The following TIMM23B variants were observed in gnomAD, a reference collection of about 807,000 sequenced individuals.
TIMM23B encodes the protein mitochondrial import inner membrane translocase subunit Tim23B.
TIMM23B carries 27 observed loss-of-function variants against 27.3 expected under a neutral mutation model. The observed-to-expected ratio is 0.99, with a 90% CI of 0.73 to 1.36. The LOEUF is 1.36. Among genes scored for constraint, TIMM23B ranks in the 40% most tolerant of loss-of-function variants. The pLI is 0.00. For synonymous variants in TIMM23B, 73 were observed against 92.4 expected (o/e 0.79, Z 1.21); for missense variants, 205 against 244.2 (o/e 0.84, Z 1.07).
rs1840019262 is a variant in TIMM23B at position 49,964,003 on chromosome 10, AATG to A, written c.514+5525_514+5527del. Among the ~76,000 whole-genome samples the A allele has an allele frequency of 3.3e-5, 5 of 152,190 alleles. No individual in the cohort carries two copies. The South Asian group carries it at 1.0e-3, about 32-fold the overall frequency. On this transcript the variant is annotated intron_variant, in intron 6 of 6. Transcript: ENST00000651259. ...ATGACATGATGAAATGAAATAATGAAATGAATAATGAAATGCGTGTGGTGCACT... is the reference window on the plus strand; with the variant it reads ...ATGACATGATGAAATGAAATAATGAAAATAATGAAATGCGTGTGGTGCACT...
chr10:49,942,241 C>G lies in TIMM23B; in HGVS notation c.47C>G (p.Ala16Gly). 6.2e-7 allele frequency: 1 copy of G among 1,612,680 alleles called. No homozygotes were observed. Residue 16 changes from alanine to glycine, a missense_variant, in exon 1 of 7, where the codon GCC becomes GGC. Physicochemically the swap from Ala to Gly is moderately conservative, Grantham distance 60. Transcript: ENST00000651259. The part of the protein sequence containing the change: ...GSGDKTTGVL[A>G]GFFGAGEAGY... ...GGCGACAAAACCACAGGGGTATTGG[C>G]CGGCTTTTTCGGAGCCGGCGAAGCA... is the stretch of plus-strand genomic sequence containing the variant.
At chr10:49,958,725 T>G (rs1839803947) in intron 6 of TIMM23B, among the ~76,000 whole-genome samples, 1 of 152,198 alleles carries the variant, frequency 6.6e-6, no homozygotes, top group Admixed American at 6.5e-5. Context: ...CTGGAACTTT[T>G]TCATCTTGCA....
intron 6 of TIMM23B, among the ~76,000 whole-genome samples, chr10:49,972,039 A>G (rs550731342): frequency 8.1e-4 from 123 of 152,348 alleles, no homozygotes; most frequent in African/African-American, 2.8e-3. Context: ...CTGAATAAAC[A>G]TTTGGTTTTT....
intron 2 of TIMM23B, among the ~76,000 whole-genome samples, chr10:49,948,990 C>A (rs1251006422): frequency 6.6e-6 from 1 of 152,108 alleles, no homozygotes; most frequent in Non-Finnish European, 1.5e-5. Flanking sequence ...TAGGCTCAAG[C>A]GGTCCTTCTG....
At chr10:49,965,558 G>A (rs1441321791) in intron 6 of TIMM23B, among the ~76,000 whole-genome samples, 3 of 150,984 alleles carry the variant, frequency 2.0e-5, no homozygotes, top group Non-Finnish European at 4.4e-5. Flanking sequence ...GAAATGAAAT[G>A]ATGAAATACG....
At chr10:49,963,964 C>T (rs1300679355) in intron 6 of TIMM23B, among the ~76,000 whole-genome samples, 691 of 151,812 alleles carry the variant, frequency 4.6e-3, no homozygotes, top group East Asian at 0.018. Flanking sequence ...GCCTCTGGCT[C>T]GAAATGACAT....
rs1839796792 is a variant in TIMM23B, at chr10:49,958,543, T to C, written c.514+63T>C. ...CTTGAAGTGCGCTTTTTAAAATTCATGGTTTTCAAGGAAATTACACTCTGT... is the reference window on the plus strand; with the variant it reads ...CTTGAAGTGCGCTTTTTAAAATTCACGGTTTTCAAGGAAATTACACTCTGT... On this transcript the variant is annotated intron_variant, in intron 6 of 6. Coordinates refer to ENST00000651259, the MANE Select transcript of TIMM23B (RefSeq NM_001290117.2). The C allele has an allele frequency of 2.6e-6, 4 of 1,526,986 alleles. No homozygotes were observed. The Admixed American group carries it at 6.8e-5, about 26-fold the overall frequency. The allele number at this position is 1,526,986 out of a possible 1,614,324, so 94.6% of individuals were successfully genotyped here.
At chr10:49,955,843 A>G (rs1589036249) in intron 5 of TIMM23B, among the ~76,000 whole-genome samples, 1 of 152,110 alleles carries the variant, frequency 6.6e-6, no homozygotes, top group African/African-American at 2.4e-5. Flanking sequence ...CTGTAAAGCC[A>G]GTTTTCACAC....
chr10:49,959,530 CTTAA>C (rs1839828828), intron 6 of TIMM23B, among the ~76,000 whole-genome samples: 3 of 152,126 alleles, frequency 2.0e-5, no homozygotes, highest in African/African-American at 4.8e-5. Context: ...TCTTTGGCTA[CTTAA>C]TTTTTATTTT....
intron 5 of TIMM23B, among the ~76,000 whole-genome samples, chr10:49,957,781 G>C (rs1254340570): frequency 6.6e-6 from 1 of 152,164 alleles, no homozygotes; most frequent in Non-Finnish European, 1.5e-5. Flanking sequence ...AAATTGATTG[G>C]ATAGGCATGA....
At chr10:49,962,260 T>C (rs1589042263) in intron 6 of TIMM23B, among the ~76,000 whole-genome samples, 1 of 151,610 alleles carries the variant, frequency 6.6e-6, no homozygotes, top group Non-Finnish European at 1.5e-5. Flanking sequence ...TGCGGTGCAG[T>C]GGCACAATCT....
intron 6 of TIMM23B, among the ~76,000 whole-genome samples, chr10:49,961,324 G>A (rs1390629811): frequency 3.4e-5 from 5 of 148,142 alleles, no homozygotes; most frequent in African/African-American, 7.5e-5. Context: ...TGGAGGTTGC[G>A]GTGAGGCAAG....
At chr10:49,965,463 G>A (rs1315522316) in intron 6 of TIMM23B, among the ~76,000 whole-genome samples, 4 of 146,250 alleles carry the variant, frequency 2.7e-5, no homozygotes, top group Admixed American at 1.4e-4. Context: ...ATGAAATGCC[G>A]GGTGTGGTGG....
In TIMM23B at chr10:49,952,201, G is replaced by C; in HGVS notation, c.241G>C (p.Gly81Arg). Residue 81 changes from glycine (G) to arginine (R), a missense_variant, in exon 3 of 7, where the codon GGA (glycine) becomes CGA (arginine). Gly to Arg is a moderately radical substitution (Grantham distance 125). Coordinates refer to ENST00000651259, the MANE Select transcript of TIMM23B (RefSeq NM_001290117.2). ...ATTTGAGCTGGCCTTCTTTACGATT[G>C]GAGGGTGTTGCATGACAGGTGAGTG... is the stretch of plus-strand genomic sequence containing the variant. Reference protein sequence around the residue: ...GRFELAFFTIGGCCMTGAAFG... With the variant: ...GRFELAFFTIRGCCMTGAAFG... 5 of 1,606,230 alleles carry C rather than the reference G, an allele frequency of 3.1e-6. No homozygotes were observed. Among genetic ancestry groups the C allele is most frequent in the Non-Finnish European group, 4.3e-6 (5 of 1,172,866 alleles).
rs571424362 is a variant in TIMM23B at position 49,964,024 on chromosome 10, G to A, written c.514+5544G>A. ...ATGAAATGAATAATGAAATGCGTGT[G>A]GTGCACTCCAGCCTGGGCAATGCAG... is the stretch of plus-strand genomic sequence containing the variant. On this transcript the variant is annotated intron_variant, in intron 6 of 6. Transcript: ENST00000651259. Among the ~76,000 whole-genome samples, 3 of 152,060 alleles carry A rather than the reference G, an allele frequency of 2.0e-5. No individual in the cohort carries two copies. In the South Asian group the frequency reaches 6.2e-4, roughly 32 times the overall value.
intron 6 of TIMM23B, among the ~76,000 whole-genome samples, chr10:49,960,239 T>TG (rs1380975610): frequency 6.7e-6 from 1 of 149,850 alleles, no homozygotes; most frequent in Admixed American, 6.7e-5. Flanking sequence ...TTTTCGGAGA[T>TG]GGGGTCTCAC....
At chr10:49,966,374 G>A (rs2805282) in intron 6 of TIMM23B, among the ~76,000 whole-genome samples, 5 of 148,682 alleles carry the variant, frequency 3.4e-5, no homozygotes, top group South Asian at 4.2e-4. Context: ...GAAATGAAAC[G>A]AAATGAAGAA....
At chr10:49,943,593 A>T (rs1231590146) in intron 1 of TIMM23B, among the ~76,000 whole-genome samples, 1 of 152,016 alleles carries the variant, frequency 6.6e-6, no homozygotes, top group Non-Finnish European at 1.5e-5. Context: ...GGGCATATAC[A>T]CTTCCTTAAT....
chr10:49,952,094 A>G (rs1205037401), intron 2 of TIMM23B, 32 bp from the exon 3 acceptor site: 10 of 1,502,564 alleles, frequency 6.7e-6, no homozygotes, highest in Non-Finnish European at 9.2e-6. Flanking sequence ...CTTGAGGGAC[A>G]CTCAGCTTGG....
Sources: gnomAD v4.1 joint callset for allele counts (sites outside exome capture counted in the v4.1 genomes callset) on GRCh38, gnomAD v4.1.1 for gene constraint, MANE v1.5 for transcripts, NCBI Gene and HGNC (gene_info 2026-07-23, HGNC 2026-07-21) for gene names.